ZNF140: variants seen among roughly 807,000 people sequenced by gnomAD.
The protein encoded by ZNF140 is zinc finger protein 140.
In ZNF140, 13 loss-of-function variants were observed where a neutral mutation model predicts 12.9. The ratio of observed to expected loss-of-function variants is 1.01; its 90% CI spans 0.66 to 1.60. The LOEUF (loss-of-function observed/expected upper bound fraction) is 1.60. ZNF140 is among the 40% of genes most tolerant of loss of function. The pLI is 0.00. For synonymous variants in ZNF140, 214 were observed against 186.7 expected, an observed-to-expected ratio of 1.15 and a Z score of -1.19; for missense variants, 531 against 548.8, an observed-to-expected ratio of 0.97 and a Z score of 0.32.
At chr12:133,097,592 G>A (rs1487010482) in intron 4 of ZNF140, among the ~76,000 whole-genome samples, 5 of 149,158 alleles carry the variant, frequency 3.4e-5, no homozygotes, top group Non-Finnish European at 7.4e-5. Context: ...GCAGTGAGCC[G>A]AGATCACACC....
chr12:133,091,047 C>A (rs1954857457), intron 4 of ZNF140, among the ~76,000 whole-genome samples: 3 of 148,886 alleles, frequency 2.0e-5, no homozygotes, highest in East Asian at 2.0e-4. Context: ...GAGACAGTGG[C>A]CTTCCTCTAT....
intron 4 of ZNF140, among the ~76,000 whole-genome samples, chr12:133,092,440 A>C (rs1387000111): frequency 6.6e-6 from 1 of 151,224 alleles, no homozygotes; most frequent in Non-Finnish European, 1.5e-5. Context: ...CTAGCATATA[A>C]GGGGGTTTTA....
intron 4 of ZNF140, among the ~76,000 whole-genome samples, chr12:133,088,568 G>A (rs1954758931): frequency 6.6e-6 from 1 of 152,196 alleles, no homozygotes; most frequent in African/African-American, 2.4e-5. Context: ...GCACATCTGT[G>A]TGCAGGTTTT....
intron 2 of ZNF140, 44 bp from the exon 3 acceptor site, chr12:133,083,059 G>T: frequency 6.2e-7 from 1 of 1,613,468 alleles, no homozygotes; most frequent in Non-Finnish European, 8.5e-7. Context: ...AGGGAGTTTG[G>T]GGGCATGCGT....
chr12:133,101,686 G>A (rs1955355801), intron 4 of ZNF140, among the ~76,000 whole-genome samples: 1 of 152,108 alleles, frequency 6.6e-6, no homozygotes, highest in African/African-American at 2.4e-5. Context: ...CTTGTGATCT[G>A]CCAGCCTCCA....
intron 4 of ZNF140, among the ~76,000 whole-genome samples, chr12:133,100,505 CT>C (rs1955309204): frequency 6.6e-6 from 1 of 152,122 alleles, no homozygotes; most frequent in Non-Finnish European, 1.5e-5. Flanking sequence ...CACTTATGCA[CT>C]TGTGGTTGCA....
chr12:133,100,122 T>C (rs1480435677), intron 4 of ZNF140, among the ~76,000 whole-genome samples: 2 of 151,540 alleles, frequency 1.3e-5, no homozygotes, highest in Non-Finnish European at 2.9e-5. Context: ...AGTATGTTTC[T>C]GTTCATGTCT....
At position 133,106,676 on chromosome 12, in the gene ZNF140, G is replaced by A. The variant is rs760489095; in HGVS notation, c.*25G>A. 15 of 1,513,050 alleles carry A rather than the reference G, an allele frequency of 9.9e-6. No individual in the cohort carries two copies. Among genetic ancestry groups the A allele is most frequent in the Admixed American group, 2.2e-5 (1 of 45,226 alleles). 93.7% of individuals were successfully genotyped at this position (1,513,050 alleles called of 1,614,324 possible). A position where few individuals can be genotyped will look rare whatever the true frequency, so the allele number is the denominator to read the frequency against. ...AATTTACACTGCAAAGAAAAACTAT[G>A]AATGTATGGAATTTTTTAAAAAGAA... On this transcript the variant is annotated 3_prime_UTR_variant, in exon 5 of 5. Transcript: ENST00000355557.
At chr12:133,084,718 T>C (rs1954619038) in intron 4 of ZNF140, among the ~76,000 whole-genome samples, 1 of 152,220 alleles carries the variant, frequency 6.6e-6, no homozygotes, top group South Asian at 2.1e-4. Context: ...GAATGCGTAC[T>C]TTTTAGGAGG....
At chr12:133,080,790 C>T (rs1954442681), upstream of ZNF140, 1 of 152,394 alleles carries the variant, frequency 6.6e-6, no homozygotes, top group Non-Finnish European at 1.5e-5. Flanking sequence ...AGCCCTTGCG[C>T]GCAGGGCCGC....
chr12:133,105,924 C>T lies in ZNF140; in HGVS notation c.647C>T (p.Pro216Leu), dbSNP rs920078242. 7 of 1,614,006 alleles carry T rather than the reference C, an allele frequency of 4.3e-6. No individual in the cohort carries two copies. The Middle Eastern group carries it at 4.9e-4, about 114-fold the overall frequency. Reference sequence around the variant, plus strand: ...CAAATGATACATACTGGAAAGAAACCCCATGAGTGTAAGGACTGTAATAAA... The same window carrying T: ...CAAATGATACATACTGGAAAGAAACTCCATGAGTGTAAGGACTGTAATAAA... ...KHQMIHTGKKPHECKDCNKTF... is the reference protein window; with the variant it reads ...KHQMIHTGKKLHECKDCNKTF... The change falls in exon 5 of 5, where the codon CCC (proline) becomes CTC (leucine). Residue 216 changes from proline to leucine, a missense_variant. Coordinates refer to ENST00000355557, the MANE Select transcript of ZNF140 (RefSeq NM_003440.4).
Position 133,080,952 on chromosome 12 carries a change from A to AAGG in ZNF140, c.-166_-164dup, listed in dbSNP as rs1361517699. 6.4e-6 allele frequency: 1 copy of AAGG among 156,410 alleles called. No individual in the cohort carries two copies. The highest frequency in any genetic ancestry group is 1.4e-5 in the Non-Finnish European group (1 of 70,294). 9.7% of individuals were successfully genotyped at this position (156,410 alleles called of 1,614,324 possible). ...GGCCTGTGTTGGCTGTAGGCAACGA[A>AAGG]AGGAGCCCTCCCGGTCTGCGCCGGA... On this transcript the variant is annotated 5_prime_UTR_variant, in exon 1 of 5. Coordinates refer to ENST00000355557, the MANE Select transcript of ZNF140 (RefSeq NM_003440.4).
chr12:133,104,611 A>G (rs1955510193), intron 4 of ZNF140, among the ~76,000 whole-genome samples: 1 of 152,280 alleles, frequency 6.6e-6, no homozygotes, highest in African/African-American at 2.4e-5. Context: ...TTGGCCTCCC[A>G]AAGTGCTGAG....
At chr12:133,090,980 T>C (rs910941544) in intron 4 of ZNF140, among the ~76,000 whole-genome samples, 12 of 148,490 alleles carry the variant, frequency 8.1e-5, no homozygotes, top group African/African-American at 3.0e-4. Context: ...ATCTCAGAAT[T>C]GAACAAATGT....
rs1288526743 is a variant in ZNF140 at position 133,105,878 on chromosome 12, A to T, written c.601A>T (p.Ile201Phe). The T allele has an allele frequency of 1.2e-6, 2 of 1,614,150 alleles. No homozygotes were observed. The highest frequency in any genetic ancestry group is 1.7e-6 in the Non-Finnish European group (2 of 1,180,022). ...GGAATGTGGCAAAACCTTTAGCCAG[A>T]TTTCAAACCTTGTGAAACACCAAAT... Reference protein sequence around the residue: ...CKECGKTFSQISNLVKHQMIH... With the variant: ...CKECGKTFSQFSNLVKHQMIH... The change falls in exon 5 of 5, where the codon ATT (isoleucine) becomes TTT (phenylalanine). Residue 201 changes from isoleucine (I) to phenylalanine (F), a missense_variant. Coordinates refer to ENST00000355557, the MANE Select transcript of ZNF140 (RefSeq NM_003440.4).
intron 2 of ZNF140, chr12:133,082,324 C>A (rs1954530882): frequency 5.3e-5 from 8 of 152,202 alleles, no homozygotes. Flanking sequence ...TCTTTAATCA[C>A]TTTTTTATTA....
In ZNF140 at chr12:133,105,760, T is replaced by C; in HGVS notation, c.483T>C (p.Tyr161=). ...ATATCAGTACTGTGGAGAGGCCCTATGGATGCCATGAATGTGGAAAAACTT... is the reference window on the plus strand; with the variant it reads ...ATATCAGTACTGTGGAGAGGCCCTACGGATGCCATGAATGTGGAAAAACTT... ...HMNISTVERP[Y]GCHECGKTFG... The change falls in exon 5 of 5, where the codon TAT becomes TAC. Residue 161 remains tyrosine, a synonymous_variant. Transcript: ENST00000355557. 1 of 1,614,200 alleles carries C rather than the reference T, an allele frequency of 6.2e-7. No individual in the cohort carries two copies.
chr12:133,082,984 TCTCA>T, intron 2 of ZNF140, 115 bp from the exon 3 acceptor site: 2 of 1,466,374 alleles, frequency 1.4e-6, no homozygotes, highest in Non-Finnish European at 1.9e-6. Flanking sequence ...TTCTGAAAAC[TCTCA>T]CTGTTACTAC....
intron 4 of ZNF140, among the ~76,000 whole-genome samples, chr12:133,104,647 G>A (rs749803361): frequency 8.5e-5 from 13 of 152,156 alleles, no homozygotes; most frequent in Non-Finnish European, 1.6e-4. Flanking sequence ...CACTGCGCCC[G>A]GCCAAGAGTA....
Sources: allele counts gnomAD v4.1 joint callset (sites outside exome capture counted in the v4.1 genomes callset), GRCh38; gene constraint gnomAD v4.1.1; transcripts MANE v1.5; gene names NCBI Gene and HGNC (gene_info 2026-07-23, HGNC 2026-07-21).